The following B3GALT1 variants were observed in gnomAD, a reference collection of about 807,000 sequenced individuals.
B3GALT1 encodes the protein beta-1,3-galactosyltransferase 1, also known as UDP-Gal:betaGlcNAc beta 1,3-galactosyltransferase, polypeptide 1.
In B3GALT1, 10 loss-of-function variants were observed where a neutral mutation model predicts 23.2. That is an observed-to-expected ratio of 0.43 (90% CI 0.27 to 0.73). The LOEUF is 0.73. Among genes scored for constraint, B3GALT1 ranks in the 30% least tolerant of loss-of-function variants. B3GALT1 has a pLI of 0.21. For missense variants in B3GALT1, 299 were observed against 405.4 expected, an observed-to-expected ratio of 0.74 and a Z score of 2.25; for synonymous variants, 156 against 141.5, an observed-to-expected ratio of 1.10 and a Z score of -0.73.
At chr2:167,457,842 C>G (rs751527313) in intron 1 of B3GALT1, among the ~76,000 whole-genome samples, 4 of 152,142 alleles carry the variant, frequency 2.6e-5, no homozygotes, top group Non-Finnish European at 5.9e-5. Context: ...TGGCCCCATT[C>G]TAGACCGACC....
intron 3 of B3GALT1, among the ~76,000 whole-genome samples, chr2:167,788,386 A>G (rs1688377857): frequency 6.6e-6 from 1 of 152,048 alleles, no homozygotes; most frequent in Admixed American, 6.6e-5. Context: ...ACAACTTGCC[A>G]TAATGTAGAA....
chr2:167,294,921 C>T (rs1380542517), intron 1 of B3GALT1, among the ~76,000 whole-genome samples: 4 of 152,134 alleles, frequency 2.6e-5, no homozygotes, highest in Non-Finnish European at 4.4e-5. Context: ...TGATTGGGCT[C>T]ATTTCTGATT....
chr2:167,869,720 C>G lies in B3GALT1; in HGVS notation c.681C>G (p.Tyr227Ter). 2 of 1,614,092 alleles carry G rather than the reference C, an allele frequency of 1.2e-6. No homozygotes were observed. Among genetic ancestry groups the G allele is most frequent in the Non-Finnish European group, 1.7e-6 (2 of 1,179,984 alleles). Residue 227 changes from tyrosine to a stop codon, truncating the protein, a stop_gained, in exon 5 of 5, where the codon TAC (tyrosine) becomes TAG (stop). Transcript: ENST00000392690. LOFTEE classifies it high-confidence loss of function. The surrounding 1 kb of genome is among the most constrained non-coding windows in gnomAD (Gnocchi z 6.4). Reference sequence around the variant, plus strand: ...AGTGGTATATGCCCAGGGATTTGTACCCAGACAGTAACTACCCACCTTTCT... The same window carrying G: ...AGTGGTATATGCCCAGGGATTTGTAGCCAGACAGTAACTACCCACCTTTCT... ...RSKWYMPRDL[Y>*]PDSNYPPFCS...
chr2:167,563,421 A>C (rs867829647), intron 2 of B3GALT1, among the ~76,000 whole-genome samples: 1 of 87,528 alleles, frequency 1.1e-5, no homozygotes, highest in Non-Finnish European at 2.3e-5. Context: ...TGACCCCTCC[A>C]CCTCCCTCCC....
chr2:167,811,088 G>GA (rs1278579424), intron 3 of B3GALT1, among the ~76,000 whole-genome samples: 5 of 152,084 alleles, frequency 3.3e-5, no homozygotes, highest in African/African-American at 9.7e-5. Flanking sequence ...AAAAAACCTG[G>GA]AAAAAATAGC....
At chr2:167,851,739 G>A (rs1157922404) in intron 4 of B3GALT1, among the ~76,000 whole-genome samples, 3 of 152,180 alleles carry the variant, frequency 2.0e-5, no homozygotes. Flanking sequence ...CCAAGTAGAA[G>A]ATAAATAATA....
chr2:167,701,066 G>A (rs1574220802), intron 3 of B3GALT1, among the ~76,000 whole-genome samples: 2 of 152,190 alleles, frequency 1.3e-5, no homozygotes, highest in African/African-American at 2.4e-5. Context: ...TATAAGAAAA[G>A]CACTATTTGT....
At chr2:167,795,338 C>T (rs1043425590) in intron 3 of B3GALT1, among the ~76,000 whole-genome samples, 4 of 152,058 alleles carry the variant, frequency 2.6e-5, no homozygotes, top group African/African-American at 9.7e-5. Context: ...CCACATAACA[C>T]CAATGGTCCC....
intron 4 of B3GALT1, among the ~76,000 whole-genome samples, chr2:167,862,503 C>T (rs950272592): frequency 1.3e-5 from 2 of 152,150 alleles, no homozygotes; most frequent in Non-Finnish European, 2.9e-5. Context: ...CTCAGCCTAC[C>T]GATTCAAATG....
intron 3 of B3GALT1, among the ~76,000 whole-genome samples, chr2:167,812,661 G>T (rs1438425574): frequency 2.0e-5 from 3 of 152,070 alleles, no homozygotes; most frequent in Admixed American, 6.6e-5. Flanking sequence ...TCCTCTTTCA[G>T]TCCTCAGCAC....
chr2:167,399,823 C>T (rs1031480428), intron 1 of B3GALT1, among the ~76,000 whole-genome samples: 1 of 151,916 alleles, frequency 6.6e-6, no homozygotes, highest in African/African-American at 2.4e-5. Flanking sequence ...TTTATATTTT[C>T]TTCTGTCTTG....
At chr2:167,586,271 C>T (rs965299231) in intron 2 of B3GALT1, among the ~76,000 whole-genome samples, 2 of 152,146 alleles carry the variant, frequency 1.3e-5, no homozygotes, top group African/African-American at 2.4e-5. Context: ...TCCTTGGGGG[C>T]ATTTTGCCCA....
rs555873031 is a variant in B3GALT1 at position 167,596,990 on chromosome 2, G to A, written c.-409-49919G>A. ...GAGAAGTGAGAATTAAAGAACTTGCGACTTATCCAAGGGCATGCAATTAGT... is the reference window on the plus strand; with the variant it reads ...GAGAAGTGAGAATTAAAGAACTTGCAACTTATCCAAGGGCATGCAATTAGT... On this transcript the variant is annotated intron_variant, in intron 2 of 4. Coordinates refer to ENST00000392690, the MANE Select transcript of B3GALT1 (RefSeq NM_020981.4). Among the ~76,000 whole-genome samples, 61 of 152,248 alleles carry A rather than the reference G, an allele frequency of 4.0e-4. 1 individual carries two copies. The highest frequency in any genetic ancestry group is 6.2e-4 in the Non-Finnish European group (42 of 68,014).
chr2:167,470,892 T>A (rs1476728554), intron 1 of B3GALT1, among the ~76,000 whole-genome samples: 1 of 152,204 alleles, frequency 6.6e-6, no homozygotes, highest in East Asian at 1.9e-4. Context: ...TTCATATAGC[T>A]ATTATAGGGG....
intron 4 of B3GALT1, among the ~76,000 whole-genome samples, chr2:167,824,589 G>T (rs1356225990): frequency 1.3e-5 from 2 of 152,194 alleles, no homozygotes; most frequent in East Asian, 3.9e-4. Flanking sequence ...CCACCCTCCA[G>T]GGCTCATGGC....
At position 167,321,530 on chromosome 2, in the gene B3GALT1, A is replaced by G. The variant is rs564041333; in HGVS notation, c.-511+28196A>G. Among the ~76,000 whole-genome samples the G allele has an allele frequency of 9.2e-5, 14 of 152,182 alleles. No individual in the cohort carries two copies. In the East Asian group the frequency reaches 2.3e-3, roughly 25 times the overall value. On this transcript the variant is annotated intron_variant, in intron 1 of 4. Coordinates refer to ENST00000392690, the MANE Select transcript of B3GALT1 (RefSeq NM_020981.4). Reference sequence around the variant, plus strand: ...AGAGAAAATCAAAACCAGAGAACAGAGGATCTCCCTGAATATCCAAGCACC... The same window carrying G: ...AGAGAAAATCAAAACCAGAGAACAGGGGATCTCCCTGAATATCCAAGCACC...
rs561487599 is a variant in B3GALT1, at chr2:167,346,542, G to A, written c.-511+53208G>A. Among the ~76,000 whole-genome samples the A allele has an allele frequency of 9.2e-5, 14 of 152,228 alleles. No homozygotes were observed. In the South Asian group the frequency reaches 2.9e-3, roughly 32 times the overall value. On this transcript the variant is annotated intron_variant, in intron 1 of 4. Coordinates refer to ENST00000392690, the MANE Select transcript of B3GALT1 (RefSeq NM_020981.4). The stretch of plus-strand genomic sequence containing the variant: ...ATAAGAATTAATGCAAAGTTAAGGA[G>A]ATTTTGGAATTAAGCAATTTATTTG...
intron 4 of B3GALT1, among the ~76,000 whole-genome samples, chr2:167,846,334 A>G (rs1258778496): frequency 6.6e-6 from 1 of 152,208 alleles, no homozygotes; most frequent in East Asian, 1.9e-4. Context: ...AAAGAATGTT[A>G]AGAAATGTGA....
intron 2 of B3GALT1, among the ~76,000 whole-genome samples, chr2:167,619,127 A>C (rs1047227198): frequency 1.3e-5 from 2 of 151,808 alleles, no homozygotes. Context: ...CCATTAAAAA[A>C]CATCTTTCTC....
Sources: allele counts gnomAD v4.1 joint callset (sites outside exome capture counted in the v4.1 genomes callset), GRCh38; gene constraint gnomAD v4.1.1; non-coding constraint Gnocchi (gnomAD v3.1); transcripts MANE v1.5; gene names NCBI Gene and HGNC (gene_info 2026-07-23, HGNC 2026-07-21).